The following MIA2 variants were observed in gnomAD, a reference collection of about 807,000 sequenced individuals.
MIA2 encodes melanoma inhibitory activity protein 2.
In MIA2, 127 loss-of-function variants were observed where a neutral mutation model predicts 167.8. The ratio of observed to expected loss-of-function variants is 0.76; its 90% confidence interval spans 0.66 to 0.88. The LOEUF (loss-of-function observed/expected upper bound fraction) is 0.88, where lower values mean the gene tolerates loss of function less well. MIA2 is among the 40% of genes least tolerant of loss of function. The pLI, the probability that MIA2 is intolerant of heterozygous loss-of-function variation, is 0.00. For synonymous variants in MIA2, 552 were observed against 541.9 expected (o/e 1.02, Z -0.26); for missense variants, 1,690 against 1,624.7 (o/e 1.04, Z -0.69).
At chr14:39,282,613 A>G (rs2059109838) in intron 9 of MIA2, among the ~76,000 whole-genome samples, 1 of 152,076 alleles carries the variant, frequency 6.6e-6, no homozygotes, top group South Asian at 2.1e-4. Flanking sequence ...TCATTCTGTC[A>G]CACAGGCTGG....
intron 7 of MIA2, among the ~76,000 whole-genome samples, chr14:39,277,692 GTATATA>G (rs1205916344): frequency 1.8e-3 from 8 of 4,352 alleles, no homozygotes; most frequent in Admixed American, 0.012. Flanking sequence ...ATATATGTGT[GTATATA>G]TATATATATA....
At chr14:39,300,403 A>G (rs73277473) in intron 14 of MIA2, among the ~76,000 whole-genome samples, 2,917 of 152,280 alleles carry the variant, frequency 0.019, 103 homozygotes, top group African/African-American at 0.067. Flanking sequence ...TTTAAAAAAT[A>G]AATTTAATTG....
At chr14:39,295,129 T>C in intron 13 of MIA2, 100 bp downstream of exon 13, 1 of 794,466 alleles carries the variant, frequency 1.3e-6, no homozygotes, top group African/African-American at 1.7e-5. Context: ...TATAGGCTTT[T>C]CCTTGAGAGC....
In MIA2 at chr14:39,318,529, T is replaced by G. The variant is rs560363633; in HGVS notation, c.3284+518T>G. On this transcript the variant is annotated intron_variant, in intron 22 of 28. Coordinates refer to ENST00000640607, the MANE Select transcript of MIA2 (RefSeq NM_001329214.4). ...TGATAACAGTCTTCCTAGAGTGTTA[T>G]AATTTCTTGTCACAATGTACTGTTA... is the stretch of plus-strand genomic sequence containing the variant. Among the ~76,000 whole-genome samples, 6 of 152,308 alleles carry G rather than the reference T, an allele frequency of 3.9e-5. No individual in the cohort carries two copies. The East Asian group carries it at 9.6e-4, about 24-fold the overall frequency.
chr14:39,297,841 A>C (rs1316478313), intron 13 of MIA2, among the ~76,000 whole-genome samples: 2 of 152,126 alleles, frequency 1.3e-5, no homozygotes, highest in Non-Finnish European at 1.5e-5. Context: ...AGTCCTGCTT[A>C]TACCCCTGGT....
intron 18 of MIA2, among the ~76,000 whole-genome samples, chr14:39,312,509 G>T (rs2064502858): frequency 6.6e-6 from 1 of 152,226 alleles, no homozygotes; most frequent in Non-Finnish European, 1.5e-5. Context: ...AAGAAGGGAA[G>T]ATATCCATTT....
chr14:39,326,789 G>A (rs1306896526), intron 24 of MIA2, 75 bp from the exon 25 acceptor site: 3 of 1,336,678 alleles, frequency 2.2e-6, no homozygotes, highest in African/African-American at 3.1e-5. Flanking sequence ...TTTAACCACT[G>A]ATTTTATGTG....
chr14:39,354,593 T>C (rs2074473953), downstream of MIA2, among the ~76,000 whole-genome samples: 1 of 152,208 alleles, frequency 6.6e-6, no homozygotes, highest in Non-Finnish European at 1.5e-5. Flanking sequence ...TTTTGGCTTT[T>C]GTTGCCATTG....
At chr14:39,343,370 C>T (rs1239649777) in intron 25 of MIA2, among the ~76,000 whole-genome samples, 2 of 152,168 alleles carry the variant, frequency 1.3e-5, no homozygotes, top group African/African-American at 4.8e-5. Context: ...CGATCTTGAA[C>T]TCTTGGCCTC....
rs1247422196 is a variant in MIA2, at chr14:39,314,677, A to AG, written c.3120-61dup. On this transcript the variant is annotated intron_variant, in intron 19 of 28. Transcript: ENST00000640607. ...TTTCTAATAAATATTTTTTTAGTAG[A>AG]GAGTATGTTCTGTCATTTCATGTTA... is the stretch of plus-strand genomic sequence containing the variant. 3.2e-6 allele frequency: 3 copies of AG among 943,460 alleles called. No individual in the cohort carries two copies. In the African/African-American group the frequency reaches 5.4e-5, roughly 17 times the overall value. 58.4% of individuals were successfully genotyped at this position (943,460 alleles called of 1,614,324 possible).
chr14:39,297,749 A>G (rs2061643063), intron 13 of MIA2, among the ~76,000 whole-genome samples: 1 of 150,394 alleles, frequency 6.6e-6, no homozygotes, highest in South Asian at 2.1e-4. Flanking sequence ...GAGAATGAGA[A>G]TAAGAATGTG....
chr14:39,357,396 A>G (rs931436587), intron 23 of MIA2, among the ~76,000 whole-genome samples: 5 of 151,658 alleles, frequency 3.3e-5, no homozygotes, highest in African/African-American at 9.7e-5. Context: ...TTTGTTTTCC[A>G]TTTGCTTGGT....
chr14:39,293,523 ATCCATTCTTTTCACT>A (rs1244598969), intron 11 of MIA2, 142 bp downstream of exon 11: 1 of 571,378 alleles, frequency 1.8e-6, no homozygotes, highest in African/African-American at 1.9e-5. Flanking sequence ...AATTTTCTAG[ATCCATTCTTTTCACT>A]TCCCCCAGAT....
chr14:39,288,452 TATATATATATA>T lies in MIA2; in HGVS notation c.2131-2566_2131-2556del, dbSNP rs2060155053. Among the ~76,000 whole-genome samples, 74 of 15,114 alleles carry T rather than the reference TATATATATATA, an allele frequency of 4.9e-3. 3 individuals are homozygous for T. Among genetic ancestry groups the T allele is most frequent in the Non-Finnish European group, 7.7e-3 (50 of 6,492 alleles). 9.9% of individuals were successfully genotyped at this position (15,114 alleles called of 152,430 possible). A position where few individuals can be genotyped will look rare whatever the true frequency, so the allele number is the denominator to read the frequency against. ...TTATACATATATATATATATATATA[TATATATATATA>T]TATATATATATATTTTTTTTTTTTT... On this transcript the variant is annotated intron_variant, in intron 9 of 28. Coordinates refer to ENST00000640607, the MANE Select transcript of MIA2 (RefSeq NM_001329214.4).
At chr14:39,385,712 T>G in intron 23 of MIA2, 1 of 988,524 alleles carries the variant, frequency 1.0e-6, no homozygotes, top group Non-Finnish European at 1.6e-6. Context: ...GGTAACAGAC[T>G]ATAGTCCTTC....
rs977050834 is a variant in MIA2, at chr14:39,266,382, G to A, written c.1888-10552G>A. On this transcript the variant is annotated intron_variant, in intron 6 of 28. Transcript: ENST00000640607. ...ATAGAGTCCTAAATTTAGAAGGCAA[G>A]GTGCTACTTTTAGCTCCTCTTCTCG... is the stretch of plus-strand genomic sequence containing the variant. 8 of 985,184 alleles carry A rather than the reference G, an allele frequency of 8.1e-6. No homozygotes were observed. In the African/African-American group the frequency reaches 1.4e-4, roughly 17 times the overall value. 61.0% of individuals were successfully genotyped at this position (985,184 alleles called of 1,614,324 possible).
intron 23 of MIA2, among the ~76,000 whole-genome samples, chr14:39,375,826 G>A (rs1358058516): frequency 6.6e-6 from 1 of 152,134 alleles, no homozygotes; most frequent in East Asian, 1.9e-4. Context: ...TCTTTCATAA[G>A]CTCTTGAAAT....
intron 13 of MIA2, among the ~76,000 whole-genome samples, chr14:39,298,537 T>TGTTTC: frequency 1.0e-5 from 1 of 99,526 alleles, no homozygotes; most frequent in East Asian, 2.9e-4. Flanking sequence ...AGAGTTTTTT[T>TGTTTC]TTTTTTTTTT....
chr14:39,323,594 T>C (rs1266678246), intron 24 of MIA2, among the ~76,000 whole-genome samples: 1 of 152,234 alleles, frequency 6.6e-6, no homozygotes, highest in Non-Finnish European at 1.5e-5. Flanking sequence ...TGATGCTTTC[T>C]ATTCAATTTT....
Sources: allele counts gnomAD v4.1 joint callset (sites outside exome capture counted in the v4.1 genomes callset), GRCh38; gene constraint gnomAD v4.1.1; transcripts MANE v1.5; gene names NCBI Gene and HGNC (gene_info 2026-07-23, HGNC 2026-07-21).